The following MAP2K5 variants were observed in gnomAD, a reference collection of about 807,000 sequenced individuals.
MAP2K5 encodes mitogen-activated protein kinase kinase 5, also known as dual specificity mitogen-activated protein kinase kinase 5.
In MAP2K5, 49 loss-of-function variants were observed where a neutral mutation model predicts 83.1. The ratio of observed to expected loss-of-function variants is 0.59; its 90% CI spans 0.47 to 0.75. The LOEUF is 0.75. Ranked by LOEUF, MAP2K5 falls within the 30% of genes least tolerant of loss-of-function variation. The pLI is 0.00. For missense variants in MAP2K5, 457 were observed against 557.5 expected (o/e 0.82, Z 1.82); for synonymous variants, 202 against 191.8 (o/e 1.05, Z -0.44).
intron 9 of MAP2K5, among the ~76,000 whole-genome samples, chr15:67,645,236 G>GAAA (rs1300053089): frequency 6.6e-6 from 1 of 151,958 alleles, no homozygotes; most frequent in African/African-American, 2.4e-5. Context: ...CCAGTGCTTT[G>GAAA]GGAGGCTGAG....
chr15:67,621,467 GTGA>G (rs2086186043), intron 8 of MAP2K5, among the ~76,000 whole-genome samples: 1 of 130,966 alleles, frequency 7.6e-6, no homozygotes, highest in African/African-American at 2.8e-5. Context: ...AGTTAATTAA[GTGA>G]AAATTCAAGA....
intron 7 of MAP2K5, among the ~76,000 whole-genome samples, chr15:67,599,201 G>A (rs758398379): frequency 3.3e-5 from 5 of 152,074 alleles, no homozygotes; most frequent in African/African-American, 9.7e-5. Context: ...TTCTGTATTA[G>A]TAGTATAAAG....
chr15:67,643,088 G>T (rs74023022), intron 9 of MAP2K5, among the ~76,000 whole-genome samples: 5,367 of 152,002 alleles, frequency 0.035, 277 homozygotes, highest in African/African-American at 0.12. Flanking sequence ...TTGTTTTGGG[G>T]TAAAGCCTGC....
rs901468587 is a variant in MAP2K5, at chr15:67,781,351, T to G, written c.1242+8599T>G. On this transcript the variant is annotated intron_variant, in intron 21 of 21. Transcript: ENST00000178640. This position sits in a 1 kb window ranked among gnomAD's most constrained non-coding sequence, Gnocchi z 4.0. Reference sequence around the variant, plus strand: ...CAGCTGGATTTGTTTAATGGGTTGTTTGCTTTTTAATTTGTAGCAGTTTTG... The same window carrying G: ...CAGCTGGATTTGTTTAATGGGTTGTGTGCTTTTTAATTTGTAGCAGTTTTG... Among the ~76,000 whole-genome samples the G allele has an allele frequency of 6.6e-6, 1 of 152,220 alleles. No individual in the cohort carries two copies. Among genetic ancestry groups the G allele is most frequent in the Non-Finnish European group, 1.5e-5 (1 of 68,030 alleles).
At chr15:67,704,681 C>T (rs545546102) in intron 16 of MAP2K5, among the ~76,000 whole-genome samples, 28 of 152,210 alleles carry the variant, frequency 1.8e-4, no homozygotes, top group African/African-American at 6.3e-4. Flanking sequence ...GAGAGGTTAG[C>T]GATAATGGTG....
intron 8 of MAP2K5, among the ~76,000 whole-genome samples, chr15:67,620,371 A>G (rs2086154637): frequency 6.6e-6 from 1 of 152,212 alleles, no homozygotes; most frequent in Non-Finnish European, 1.5e-5. Flanking sequence ...ACTCTGTCTC[A>G]GAACAGAAAC....
intron 12 of MAP2K5, among the ~76,000 whole-genome samples, chr15:67,660,230 T>C (rs1451635689): frequency 6.6e-6 from 1 of 152,094 alleles, no homozygotes; most frequent in Non-Finnish European, 1.5e-5. Context: ...AATGATCACC[T>C]CCATGCTAAA....
intron 17 of MAP2K5, among the ~76,000 whole-genome samples, chr15:67,730,313 C>T (rs2089192569): frequency 6.6e-6 from 1 of 152,100 alleles, no homozygotes; most frequent in Non-Finnish European, 1.5e-5. Context: ...TCTCTTTGGC[C>T]CACGTTATGT....
rs559107453 is a variant in MAP2K5, at chr15:67,607,528, C to T, written c.545+6779C>T. 3.3e-5 allele frequency among the ~76,000 whole-genome samples: 5 copies of T among 152,288 alleles called. No individual in the cohort carries two copies. The South Asian group carries it at 1.0e-3, about 32-fold the overall frequency. ...CATTATGGCAATGATGTATTATTGG[C>T]ATCCAGCCAACATGACAGGATGTCA... On this transcript the variant is annotated intron_variant, in intron 8 of 21. Coordinates refer to ENST00000178640, the MANE Select transcript of MAP2K5 (RefSeq NM_145160.3).
intron 16 of MAP2K5, among the ~76,000 whole-genome samples, chr15:67,706,054 T>C (rs2088545619): frequency 6.6e-6 from 1 of 152,222 alleles, no homozygotes; most frequent in Non-Finnish European, 1.5e-5. Context: ...ACAGTATCAC[T>C]GAGTGCTCTG....
At chr15:67,686,763 T>C (rs2087968198) in intron 13 of MAP2K5, among the ~76,000 whole-genome samples, 1 of 152,184 alleles carries the variant, frequency 6.6e-6, no homozygotes, top group East Asian at 1.9e-4. Context: ...GTTTTTAAAC[T>C]TTTACACAGC....
chr15:67,580,317 A>T (rs1213013683), intron 3 of MAP2K5, among the ~76,000 whole-genome samples: 1 of 152,154 alleles, frequency 6.6e-6, no homozygotes, highest in Admixed American at 6.5e-5. Flanking sequence ...GATTTCCATT[A>T]TCTGTGCATT....
intron 19 of MAP2K5, among the ~76,000 whole-genome samples, chr15:67,762,803 C>T (rs2089974303): frequency 6.6e-6 from 1 of 152,158 alleles, no homozygotes; most frequent in Non-Finnish European, 1.5e-5. Context: ...GTGATGTTCA[C>T]TTGGCTAACA....
intron 6 of MAP2K5, among the ~76,000 whole-genome samples, chr15:67,589,692 C>A (rs976937080): frequency 6.6e-6 from 1 of 151,794 alleles, no homozygotes; most frequent in South Asian, 2.1e-4. Context: ...TGGTTATTTG[C>A]ATCTTTACAA....
At chr15:67,558,786 T>A (rs145593249) in intron 2 of MAP2K5, among the ~76,000 whole-genome samples, 1 of 152,366 alleles carries the variant, frequency 6.6e-6, no homozygotes, top group Non-Finnish European at 1.5e-5. Flanking sequence ...TCCCCAGATA[T>A]CAGCAAGGCC....
At position 67,582,055 on chromosome 15, in the gene MAP2K5, A is replaced by ATTT. The variant is rs1233297576; in HGVS notation, c.322+1233_322+1235dup. On this transcript the variant is annotated intron_variant, in intron 4 of 21. Coordinates refer to ENST00000178640, the MANE Select transcript of MAP2K5 (RefSeq NM_145160.3). Reference sequence around the variant, plus strand: ...TAGTCCAATGATTAGGATGTAGATGATTTCTTTTTTTTTTTTTTTTTTTTC... The same window carrying ATTT: ...TAGTCCAATGATTAGGATGTAGATGATTTTTTCTTTTTTTTTTTTTTTTTTTTC... Among the ~76,000 whole-genome samples the ATTT allele has an allele frequency of 4.7e-4, 63 of 134,890 alleles. 4 individuals are homozygous for ATTT. The highest frequency in any genetic ancestry group is 7.0e-4 in the South Asian group (3 of 4,272). 88.5% of individuals were successfully genotyped at this position (134,890 alleles called of 152,430 possible).
chr15:67,716,823 A>G (rs1279405338), intron 16 of MAP2K5, among the ~76,000 whole-genome samples: 2 of 152,132 alleles, frequency 1.3e-5, no homozygotes, highest in Non-Finnish European at 2.9e-5. Flanking sequence ...CTTTTTTTTA[A>G]TGTAACACTT....
In MAP2K5 at chr15:67,806,751, G is replaced by C; in HGVS notation, c.*1G>C. On this transcript the variant is annotated 3_prime_UTR_variant, in exon 22 of 22. Coordinates refer to ENST00000178640, the MANE Select transcript of MAP2K5 (RefSeq NM_145160.3). ...GCGGAGCCAGCAGGGGCCCCCGTGA[G>C]GCTGCCGCAGGGCACTGAAAGCCCA... The C allele has an allele frequency of 1.9e-6, 3 of 1,558,154 alleles. No individual in the cohort carries two copies. Among genetic ancestry groups the C allele is most frequent in the Non-Finnish European group, 2.6e-6 (3 of 1,154,258 alleles).
intron 8 of MAP2K5, among the ~76,000 whole-genome samples, chr15:67,615,592 G>C (rs1172984269): frequency 6.6e-6 from 1 of 151,958 alleles, no homozygotes; most frequent in East Asian, 1.9e-4. Flanking sequence ...TCGAAGCTTG[G>C]CCATTAGTCC....
Sources: gnomAD v4.1 joint callset for allele counts (sites outside exome capture counted in the v4.1 genomes callset) on GRCh38, gnomAD v4.1.1 for gene constraint, Gnocchi (gnomAD v3.1) non-coding constraint, MANE v1.5 for transcripts, NCBI Gene and HGNC (gene_info 2026-07-23, HGNC 2026-07-21) for gene names.